Variants in DGKI observed in about 807,000 individuals in gnomAD.
DGKI encodes the protein diacylglycerol kinase iota.
DGKI carries 55 observed loss-of-function variants against 147.5 expected under a neutral mutation model. That is an observed-to-expected ratio of 0.37 (90% CI 0.30 to 0.47). The LOEUF (loss-of-function observed/expected upper bound fraction) is 0.47. DGKI is among the 20% of genes least tolerant of loss of function. The pLI is 1.00. For synonymous variants in DGKI, 469 were observed against 477.1 expected (o/e 0.98, Z 0.22); for missense variants, 1,007 against 1,323.8 (o/e 0.76, Z 3.71).
chr7:137,463,675 C>A, intron 26 of DGKI, 64 bp from the exon 27 acceptor site: 2 of 1,580,368 alleles, frequency 1.3e-6, no homozygotes, highest in South Asian at 2.3e-5. Flanking sequence ...TTCGTTTCCA[C>A]TTTCTGAAGA....
intron 30 of DGKI, among the ~76,000 whole-genome samples, chr7:137,400,171 C>T (rs1387871785): frequency 1.3e-5 from 2 of 152,130 alleles, no homozygotes; most frequent in East Asian, 3.9e-4. Context: ...GCACCTGAGG[C>T]CTATTTAGCT....
chr7:137,800,918 A>T (rs1203894992), intron 1 of DGKI, among the ~76,000 whole-genome samples: 2 of 152,192 alleles, frequency 1.3e-5, no homozygotes, highest in African/African-American at 2.4e-5. Flanking sequence ...TAGCTAAATA[A>T]TCCACCATTC....
At chr7:137,459,665 G>A (rs1052425382) in intron 27 of DGKI, among the ~76,000 whole-genome samples, 13 of 151,582 alleles carry the variant, frequency 8.6e-5, no homozygotes, top group African/African-American at 3.1e-4. Context: ...TAGTAGAGAC[G>A]GGGTTTCACC....
intron 12 of DGKI, among the ~76,000 whole-genome samples, chr7:137,595,944 G>C (rs746496293): frequency 1.5e-5 from 2 of 129,408 alleles, no homozygotes; most frequent in Non-Finnish European, 3.2e-5. Context: ...AGAGGTTGCA[G>C]TGAGCTGAGA....
At chr7:137,562,594 G>A (rs1006785439) in intron 19 of DGKI, among the ~76,000 whole-genome samples, 1 of 152,070 alleles carries the variant, frequency 6.6e-6, no homozygotes, top group South Asian at 2.1e-4. Flanking sequence ...AAAAAGATAG[G>A]TAAATTGATA....
intron 1 of DGKI, among the ~76,000 whole-genome samples, chr7:137,744,358 A>G (rs1795264367): frequency 6.6e-6 from 1 of 152,212 alleles, no homozygotes; most frequent in Admixed American, 6.5e-5. Flanking sequence ...GATCCTGAAC[A>G]GACCAATAAC....
chr7:137,392,197 C>T (rs1207429564), intron 32 of DGKI, among the ~76,000 whole-genome samples: 1 of 151,998 alleles, frequency 6.6e-6, no homozygotes, highest in Non-Finnish European at 1.5e-5. Flanking sequence ...ACTATAATGC[C>T]TTTTGTACAC....
chr7:137,846,181 A>AC lies in DGKI; in HGVS notation c.401+280dup, dbSNP rs1450656504. 6.8e-6 allele frequency among the ~76,000 whole-genome samples: 1 copy of AC among 147,098 alleles called. No homozygotes were observed. The highest frequency in any genetic ancestry group is 1.5e-5 in the Non-Finnish European group (1 of 67,674). ...CTCTCTCACACACACACACACACAC[A>AC]CACACACACACACACACACACAGAC... On this transcript the variant is annotated intron_variant, in intron 1 of 32. Transcript: ENST00000614521. This position sits in a 1 kb window ranked among gnomAD's most constrained non-coding sequence, Gnocchi z 4.0.
rs144496829 is a variant in DGKI at position 137,579,842 on chromosome 7, T to C, written c.1643-1517A>G. Among the ~76,000 whole-genome samples the C allele has an allele frequency of 3.7e-3, 568 of 152,306 alleles. 1 individual carries two copies. Among genetic ancestry groups the C allele is most frequent in the Non-Finnish European group, 6.6e-3 (449 of 67,988 alleles). The stretch of plus-strand genomic sequence containing the variant: ...TTTAACTAATTGTTTTATAATCACA[T>C]ACATATAAATGTACATGTTCATACA... On this transcript the variant is annotated intron_variant, in intron 15 of 32. Coordinates refer to ENST00000614521, the MANE Select transcript of DGKI (RefSeq NM_001321708.2).
intron 20 of DGKI, among the ~76,000 whole-genome samples, chr7:137,528,322 C>T (rs976218375): frequency 6.6e-6 from 1 of 152,076 alleles, no homozygotes; most frequent in Non-Finnish European, 1.5e-5. Context: ...GGTAGATGTC[C>T]CCATCAAAAA....
chr7:137,672,063 T>C (rs1822859147), intron 3 of DGKI, among the ~76,000 whole-genome samples: 1 of 152,200 alleles, frequency 6.6e-6, no homozygotes, highest in Non-Finnish European at 1.5e-5. Context: ...ACCATCTACC[T>C]ACTCTGTTCC....
intron 1 of DGKI, among the ~76,000 whole-genome samples, chr7:137,749,487 G>A (rs77706320): frequency 0.012 from 1,865 of 152,170 alleles, 52 homozygotes; most frequent in African/African-American, 0.042. Flanking sequence ...TGGCATTCTT[G>A]GCTTTTTCTC....
chr7:137,532,835 C>A (rs989096490), intron 20 of DGKI, among the ~76,000 whole-genome samples: 2 of 152,240 alleles, frequency 1.3e-5, no homozygotes, highest in East Asian at 3.9e-4. Context: ...TGGAAACATT[C>A]TTCTTGTCTT....
intron 12 of DGKI, among the ~76,000 whole-genome samples, chr7:137,594,277 C>A (rs1819714006): frequency 6.6e-6 from 1 of 152,162 alleles, no homozygotes; most frequent in South Asian, 2.1e-4. Context: ...AAACTCCTGA[C>A]CTCAAGTGAT....
At chr7:137,770,534 G>GTTT (rs1396125188) in intron 1 of DGKI, among the ~76,000 whole-genome samples, 3 of 101,436 alleles carry the variant, frequency 3.0e-5, no homozygotes, top group Non-Finnish European at 5.4e-5. Context: ...TACTCAGTGG[G>GTTT]TTTTTTTTTT....
intron 10 of DGKI, among the ~76,000 whole-genome samples, chr7:137,607,891 C>A (rs1563109477): frequency 6.6e-6 from 1 of 151,944 alleles, no homozygotes. Context: ...ACACAAATTT[C>A]TTTTCCTTGT....
chr7:137,551,248 A>G (rs540319020), intron 20 of DGKI, among the ~76,000 whole-genome samples: 2 of 152,324 alleles, frequency 1.3e-5, no homozygotes, highest in South Asian at 4.2e-4. Flanking sequence ...GAACACTCTG[A>G]GAGCACTGTC....
At chr7:137,444,891 C>A (rs892637069) in intron 27 of DGKI, among the ~76,000 whole-genome samples, 1 of 152,142 alleles carries the variant, frequency 6.6e-6, no homozygotes, top group African/African-American at 2.4e-5. Flanking sequence ...CACACTTATT[C>A]TTTTCTGAGG....
At chr7:137,416,936 T>C (rs1306802726) in intron 28 of DGKI, among the ~76,000 whole-genome samples, 1 of 152,202 alleles carries the variant, frequency 6.6e-6, no homozygotes, top group Non-Finnish European at 1.5e-5. Context: ...AGGGTAGCTA[T>C]TATGCAAACA....
Sources: gnomAD v4.1 joint callset for allele counts (sites outside exome capture counted in the v4.1 genomes callset) on GRCh38, gnomAD v4.1.1 for gene constraint, Gnocchi (gnomAD v3.1) non-coding constraint, MANE v1.5 for transcripts, NCBI Gene and HGNC (gene_info 2026-07-23, HGNC 2026-07-21) for gene names.